Variants in ZNF438 observed in about 807,000 individuals in gnomAD.
The protein encoded by ZNF438 is zinc finger protein 438.
In ZNF438, 25 loss-of-function variants were observed where a neutral mutation model predicts 38.0. The observed-to-expected ratio is 0.66, with a 90% CI of 0.48 to 0.92. The LOEUF is 0.92. ZNF438 is among the 40% of genes least tolerant of loss of function. ZNF438 has a pLI of 0.00. For missense variants in ZNF438, 1,007 were observed against 999.6 expected, an observed-to-expected ratio of 1.01 and a Z score of -0.10; for synonymous variants, 372 against 364.1, an observed-to-expected ratio of 1.02 and a Z score of -0.25.
chr10:30,873,705 T>A (rs1166115634), intron 4 of ZNF438, among the ~76,000 whole-genome samples: 1 of 152,204 alleles, frequency 6.6e-6, no homozygotes, highest in Non-Finnish European at 1.5e-5. Context: ...GCCTAAAAGC[T>A]CAGGCTCTGT....
chr10:30,982,376 T>C (rs1274134681), intron 1 of ZNF438, among the ~76,000 whole-genome samples: 1 of 152,154 alleles, frequency 6.6e-6, no homozygotes, highest in Non-Finnish European at 1.5e-5. Flanking sequence ...GCTGAGATTA[T>C]AGGCATCAGC....
At chr10:30,855,214 T>C (rs1228622024) in intron 4 of ZNF438, among the ~76,000 whole-genome samples, 2 of 152,238 alleles carry the variant, frequency 1.3e-5, no homozygotes, top group Admixed American at 6.5e-5. Flanking sequence ...AGGACACTCC[T>C]GAGCTCTGTC....
chr10:30,983,494 G>C (rs2052449098), intron 1 of ZNF438, among the ~76,000 whole-genome samples: 1 of 152,040 alleles, frequency 6.6e-6, no homozygotes, highest in African/African-American at 2.4e-5. Context: ...ACTATCACAA[G>C]AACAGCAAGA....
chr10:30,899,672 C>A (rs1337262342), intron 3 of ZNF438, among the ~76,000 whole-genome samples: 2 of 151,764 alleles, frequency 1.3e-5, no homozygotes, highest in Non-Finnish European at 2.9e-5. Context: ...ACACACAGGG[C>A]ACACAGAGTC....
chr10:30,918,868 T>C (rs2043956103), intron 2 of ZNF438: 1 of 152,208 alleles, frequency 6.6e-6, no homozygotes, highest in Non-Finnish European at 1.5e-5. Flanking sequence ...ATCGATCTTT[T>C]AGGTATGGGA....
At chr10:30,917,049 G>GT (rs147899800) in intron 2 of ZNF438, among the ~76,000 whole-genome samples, 4,838 of 152,014 alleles carry the variant, frequency 0.032, 86 homozygotes, top group African/African-American at 0.04. Flanking sequence ...CATTCCATAA[G>GT]TTTTTTTACA....
At chr10:30,920,916 G>C (rs1213184658) in intron 2 of ZNF438, 1 of 152,154 alleles carries the variant, frequency 6.6e-6, no homozygotes, top group African/African-American at 2.4e-5. Context: ...CACAATCAAT[G>C]TAGTTTTGTT....
intron 3 of ZNF438, among the ~76,000 whole-genome samples, chr10:30,907,363 T>C (rs1322985467): frequency 6.6e-6 from 1 of 152,216 alleles, no homozygotes; most frequent in Non-Finnish European, 1.5e-5. Flanking sequence ...ATCATGGTAA[T>C]ACACTGGCCT....
At chr10:31,007,288 T>G (rs1045848195) in intron 1 of ZNF438, among the ~76,000 whole-genome samples, 4 of 148,496 alleles carry the variant, frequency 2.7e-5, no homozygotes, top group African/African-American at 7.5e-5. Context: ...TTTTTTTTTT[T>G]TTTTTTTTTT....
chr10:30,927,368 A>G (rs2045076806), intron 2 of ZNF438, among the ~76,000 whole-genome samples: 1 of 152,238 alleles, frequency 6.6e-6, no homozygotes, highest in African/African-American at 2.4e-5. Context: ...ATGTTCCCCA[A>G]TGTCCACATA....
At chr10:30,967,779 C>G (rs1166618239) in intron 1 of ZNF438, among the ~76,000 whole-genome samples, 2 of 152,190 alleles carry the variant, frequency 1.3e-5, no homozygotes. Context: ...CTGGGACACA[C>G]TTGGCCAGTG....
At chr10:30,872,171 G>A (rs113017173) in intron 4 of ZNF438, among the ~76,000 whole-genome samples, 71 of 151,166 alleles carry the variant, frequency 4.7e-4, no homozygotes, top group African/African-American at 1.7e-3. Flanking sequence ...TGAGGTGGGC[G>A]GATTACAAGG....
At chr10:30,917,030 T>G (rs2043715787) in intron 2 of ZNF438, among the ~76,000 whole-genome samples, 1 of 151,978 alleles carries the variant, frequency 6.6e-6, no homozygotes. Flanking sequence ...GCACCAATCT[T>G]AAGTGTACCA....
intron 1 of ZNF438, among the ~76,000 whole-genome samples, chr10:30,990,772 CTG>C (rs539726100): frequency 2.3e-4 from 35 of 152,028 alleles, no homozygotes; most frequent in African/African-American, 6.8e-4. Flanking sequence ...AACAGGTAAA[CTG>C]TATGAAACTT....
At chr10:31,016,068 TA>T (rs1176246378) in intron 1 of ZNF438, among the ~76,000 whole-genome samples, 1 of 152,060 alleles carries the variant, frequency 6.6e-6, no homozygotes, top group Non-Finnish European at 1.5e-5. Context: ...CCAATAATAA[TA>T]AAATTTTAAG....
intron 3 of ZNF438, among the ~76,000 whole-genome samples, chr10:30,903,240 G>C (rs1373196053): frequency 6.6e-6 from 1 of 152,198 alleles, no homozygotes; most frequent in Non-Finnish European, 1.5e-5. Context: ...CCAGAGAAGG[G>C]CTCCCACGGT....
chr10:30,966,681 A>G (rs970826536), intron 1 of ZNF438, among the ~76,000 whole-genome samples: 6 of 151,512 alleles, frequency 4.0e-5, no homozygotes, highest in Admixed American at 6.6e-5. Flanking sequence ...AAAAAAAAAA[A>G]AAAGAAAGAA....
chr10:30,874,095 T>G (rs1388452806), intron 4 of ZNF438, among the ~76,000 whole-genome samples: 2 of 53,104 alleles, frequency 3.8e-5, no homozygotes, highest in Non-Finnish European at 6.7e-5. Flanking sequence ...TACGTGTGGG[T>G]GTGTGGGGGT....
chr10:31,030,400 A>G (rs1481627331), intron 1 of ZNF438, among the ~76,000 whole-genome samples: 7 of 152,172 alleles, frequency 4.6e-5, no homozygotes, highest in Admixed American at 6.5e-5. Flanking sequence ...CTATTTCCAG[A>G]GATTTCTGAC....
Sources: gnomAD v4.1 joint callset for allele counts (sites outside exome capture counted in the v4.1 genomes callset) on GRCh38, gnomAD v4.1.1 for gene constraint, MANE v1.5 for transcripts, NCBI Gene and HGNC (gene_info 2026-07-23, HGNC 2026-07-21) for gene names.